DNAH5: variants seen among roughly 807,000 people sequenced by gnomAD.
DNAH5 encodes the protein dynein axonemal heavy chain 5.
In DNAH5, 372 loss-of-function variants were observed where a neutral mutation model predicts 518.2. The ratio of observed to expected loss-of-function variants is 0.72; its 90% CI spans 0.66 to 0.78. DNAH5 has a LOEUF of 0.78. Ranked by LOEUF, DNAH5 falls within the 30% of genes least tolerant of loss-of-function variation. DNAH5 has a pLI of 0.00. For synonymous variants in DNAH5, 2,039 were observed against 2,025.9 expected, an observed-to-expected ratio of 1.01 and a Z score of -0.17; for missense variants, 5,523 against 5,687.0, an observed-to-expected ratio of 0.97 and a Z score of 0.93.
chr5:13,944,397 G>A lies in DNAH5; in HGVS notation c.42C>T (p.Val14=). Reference sequence around the variant, plus strand: ...AGCACCTTACCGTTAAAACTCGAGTGACGCTATGCTTCCAGAGCTGTCTCC... The same window carrying A: ...AGCACCTTACCGTTAAAACTCGAGTAACGCTATGCTTCCAGAGCTGTCTCC... ...IGRRQLWKHS[V]TRVLTQRLKG... The change falls in exon 1 of 79, where the codon GTC becomes GTT. Residue 14 remains valine, a synonymous_variant. Transcript: ENST00000265104. The A allele has an allele frequency of 6.2e-7, 1 of 1,613,848 alleles. No individual in the cohort carries two copies.
At chr5:13,791,954 T>C (rs1580265167) in intron 50 of DNAH5, 40 bp downstream of exon 50, 8 of 1,460,784 alleles carry the variant, frequency 5.5e-6, no homozygotes, top group Non-Finnish European at 6.7e-6. Context: ...ATATCATTAA[T>C]AGCAATGTTA....
chr5:13,859,483 A>G lies in DNAH5; in HGVS notation c.4919T>C (p.Val1640Ala). 1.2e-6 allele frequency: 2 copies of G among 1,614,068 alleles called. No homozygotes were observed. Among genetic ancestry groups the G allele is most frequent in the African/African-American group, 1.3e-5 (1 of 75,056 alleles). Residue 1640 changes from valine (V) to alanine (A), a missense_variant, in exon 30 of 79, where the codon GTG (valine) becomes GCG (alanine). Around this residue, in one of 3 missense-constraint regions of DNAH5, gnomAD observed 5,121 missense variants for 5,223.3 expected, o/e 0.98. Transcript: ENST00000265104. ...CAGCTGCTTGGCAATGTCTCCTCCC[A>G]CAAAGACAGCTTCTAAATAAATCCA... ...NLWIYLEAVF[V>A]GGDIAKQLPK...
intron 25 of DNAH5, among the ~76,000 whole-genome samples, chr5:13,866,807 T>C (rs6867881): frequency 0.25 from 38,749 of 152,098 alleles, 5,504 homozygotes; most frequent in South Asian, 0.4. Flanking sequence ...GTGCTACTAG[T>C]TAATGGGTAC....
At chr5:13,768,370 C>T (rs1003391120) in intron 58 of DNAH5, among the ~76,000 whole-genome samples, 1 of 152,180 alleles carries the variant, frequency 6.6e-6, no homozygotes, top group African/African-American at 2.4e-5. Context: ...TCGTAAGTTT[C>T]CTGAGGCCTC....
chr5:13,735,108 A>G, intron 68 of DNAH5, 23 bp downstream of exon 68: 1 of 1,610,998 alleles, frequency 6.2e-7, no homozygotes, highest in Non-Finnish European at 8.5e-7. Flanking sequence ...CCTGTGCGCT[A>G]TAGTCTCTAT....
chr5:13,750,972 A>G, intron 65 of DNAH5, 106 bp downstream of exon 65: 1 of 1,271,858 alleles, frequency 7.9e-7, no homozygotes, highest in Non-Finnish European at 1.1e-6. Flanking sequence ...CACAGGGAAT[A>G]AAAGGAGAGA....
chr5:13,777,111 A>C (rs1290047614), intron 54 of DNAH5, 91 bp downstream of exon 54: 1 of 1,272,990 alleles, frequency 7.9e-7, no homozygotes, highest in Admixed American at 1.9e-5. Flanking sequence ...AATAGCACTT[A>C]TTCACACCAC....
At chr5:13,711,533 G>T (rs1743473526) in intron 75 of DNAH5, among the ~76,000 whole-genome samples, 2 of 152,134 alleles carry the variant, frequency 1.3e-5, no homozygotes, top group Admixed American at 1.3e-4. Context: ...TCAGTCAAGA[G>T]AAATAAATAA....
intron 78 of DNAH5, among the ~76,000 whole-genome samples, chr5:13,699,246 A>C (rs1677936993): frequency 6.6e-6 from 1 of 152,006 alleles, no homozygotes; most frequent in Admixed American, 6.6e-5. Context: ...CTTTCTGAGC[A>C]CCTCTTTTGT....
upstream of DNAH5, among the ~76,000 whole-genome samples, chr5:13,949,593 G>C (rs1780214141): frequency 6.6e-6 from 1 of 152,204 alleles, no homozygotes; most frequent in African/African-American, 2.4e-5. Context: ...AAACTCCAGA[G>C]GAGGACACAG....
At chr5:13,850,591 G>T in intron 31 of DNAH5, 61 bp downstream of exon 31, 3 of 1,496,316 alleles carry the variant, frequency 2.0e-6, no homozygotes, top group Non-Finnish European at 2.8e-6. Flanking sequence ...ATGCTATCTA[G>T]TCTCCCTGTA....
chr5:13,791,924 T>C (rs997322340), intron 50 of DNAH5, 70 bp downstream of exon 50: 2 of 1,324,756 alleles, frequency 1.5e-6, no homozygotes, highest in Non-Finnish European at 2.1e-6. Flanking sequence ...AAAAAATAAA[T>C]CAATAAAAAT....
At position 13,841,936 on chromosome 5, in the gene DNAH5, A is replaced by G. The variant is rs368185722; in HGVS notation, c.5272-32T>C. The stretch of plus-strand genomic sequence containing the variant: ...TAGAAACCAAAAAAAAAAAAAAAAA[A>G]AGCTATAGTCATATAAAAAGTAAAA... On this transcript the variant is annotated intron_variant, in intron 32 of 78. Transcript: ENST00000265104. The G allele has an allele frequency of 0.022, 23,589 of 1,071,394 alleles. 309 individuals carry two copies. The highest frequency in any genetic ancestry group is 0.035 in the Middle Eastern group (148 of 4,224). 66.4% of individuals were successfully genotyped at this position (1,071,394 alleles called of 1,614,324 possible). A position where few individuals can be genotyped will look rare whatever the true frequency, so the allele number is the denominator to read the frequency against.
In DNAH5 at chr5:13,707,198, G is replaced by C. The variant is rs918757561; in HGVS notation, c.13338+925C>G. 3.9e-5 allele frequency among the ~76,000 whole-genome samples: 6 copies of C among 152,224 alleles called. No homozygotes were observed. The highest frequency in any genetic ancestry group is 3.9e-4 in the Admixed American group (6 of 15,276). On this transcript the variant is annotated intron_variant, in intron 76 of 78. Transcript: ENST00000265104. The surrounding 1 kb of genome is among the most constrained non-coding windows in gnomAD (Gnocchi z 4.0). ...CGTGGAATTTGCTCAGGCATGGTCA[G>C]AGAAGAGTCCGGTCACTGGGCGGCC...
At chr5:14,002,137 T>C (rs998929015) in intron 1 of DNAH5, among the ~76,000 whole-genome samples, 1 of 139,672 alleles carries the variant, frequency 7.2e-6, no homozygotes, top group Non-Finnish European at 1.5e-5. Context: ...GACCTCGTGA[T>C]CCGCCTGCAT....
rs941923241 is a variant in DNAH5, at chr5:13,708,230, G to A, written c.13231C>T (p.Leu4411Phe). 6.2e-7 allele frequency: 1 copy of A among 1,614,156 alleles called. No individual in the cohort carries two copies. The highest frequency in any genetic ancestry group is 8.5e-7 in the Non-Finnish European group (1 of 1,180,014). ...QRVLSLVRST[L>F]TELKLAIDGT... ...TCAATAGCAAGTTTCAGCTCAGTGA[G>A]GGTGCTGCGGACAAGGCTGAGTACC... Residue 4411 changes from leucine (L) to phenylalanine (F), a missense_variant, in exon 76 of 79, where the codon CTC (leucine) becomes TTC (phenylalanine). By Grantham distance (22) the Leu-to-Phe change is conservative. This residue lies in a region of DNAH5 where 387 missense variants were observed against 430.0 expected (regional missense o/e 0.90). Transcript: ENST00000265104.
chr5:13,771,150 C>T (rs1027253399), intron 55 of DNAH5, 170 bp from the exon 56 acceptor site: 5 of 611,774 alleles, frequency 8.2e-6, no homozygotes, highest in Middle Eastern at 4.4e-4. Flanking sequence ...ATAACATCAA[C>T]AATTTTATTT....
chr5:13,898,686 AG>A (rs754523700), intron 15 of DNAH5: 19 of 398,376 alleles, frequency 4.8e-5, no homozygotes, highest in Non-Finnish European at 7.5e-5. Context: ...GTGGTAGAAA[AG>A]ATCAGATGAA....
intron 47 of DNAH5, among the ~76,000 whole-genome samples, chr5:13,795,681 T>A (rs898945542): frequency 1.3e-5 from 2 of 152,100 alleles, no homozygotes; most frequent in African/African-American, 4.8e-5. Flanking sequence ...AAAGAGGGAA[T>A]CCTCCCTAAG....
Sources: allele counts gnomAD v4.1 joint callset (sites outside exome capture counted in the v4.1 genomes callset), GRCh38; gene constraint gnomAD v4.1.1; regional missense constraint gnomAD v4.1.1; non-coding constraint Gnocchi (gnomAD v3.1); transcripts MANE v1.5; gene names NCBI Gene and HGNC (gene_info 2026-07-23, HGNC 2026-07-21).